SUN2: variants seen among roughly 807,000 people sequenced by gnomAD.
The protein encoded by SUN2 is SUN domain-containing protein 2.
In SUN2, 60 loss-of-function variants were observed where a neutral mutation model predicts 100.0. The observed-to-expected ratio is 0.60, with a 90% CI of 0.49 to 0.74. The LOEUF is 0.74. Among genes scored for constraint, SUN2 ranks in the 30% least tolerant of loss-of-function variants. SUN2 has a pLI of 0.00. For missense variants in SUN2, 834 were observed against 954.6 expected (o/e 0.87, Z 1.66); for synonymous variants, 367 against 403.3 (o/e 0.91, Z 1.08).
At chr22:38,741,715 A>T in intron 9 of SUN2, 144 bp from the exon 10 acceptor site, 1 of 705,872 alleles carries the variant, frequency 1.4e-6, no homozygotes, top group Admixed American at 2.2e-5. Context: ...ACCACGCAAG[A>T]CTCCCGCTTC....
In SUN2 at chr22:38,740,288, C is replaced by A; in HGVS notation, c.1335G>T (p.Gln445His). ...VAEEVGLLPQQIQAVRDDVES... is the reference protein window; with the variant it reads ...VAEEVGLLPQHIQAVRDDVES... ...TCACGTCGTCCCGCACGGCCTGGAT[C>A]TGCTGGGGCAGCAGGCCCACTTCTT... The change falls in exon 12 of 18, where the codon CAG becomes CAT. Residue 445 changes from glutamine (Q) to histidine (H), a missense_variant. Around this residue, in one of 3 missense-constraint regions of SUN2, gnomAD observed 559 missense variants for 597.7 expected, o/e 0.94. Transcript: ENST00000689035. This position sits in a 1 kb window ranked among gnomAD's most constrained non-coding sequence, Gnocchi z 4.8. 1.2e-6 allele frequency: 2 copies of A among 1,600,904 alleles called. No individual in the cohort carries two copies. The highest frequency in any genetic ancestry group is 2.2e-5 in the East Asian group (1 of 44,456).
chr22:38,739,162 T>TA lies in SUN2; in HGVS notation c.1664-175dup. On this transcript the variant is annotated intron_variant, in intron 14 of 17. Transcript: ENST00000689035. The surrounding 1 kb of genome is among the most constrained non-coding windows in gnomAD (Gnocchi z 6.7). Reference sequence around the variant, plus strand: ...TCAGCCTCTCCCTGGCCCAGGATGGTACTCGGTACGTCCTGACTTCCCTGA... The same window carrying TA: ...TCAGCCTCTCCCTGGCCCAGGATGGTAACTCGGTACGTCCTGACTTCCCTGA... 1.1e-6 allele frequency: 1 copy of TA among 895,300 alleles called. No individual in the cohort carries two copies. The highest frequency in any genetic ancestry group is 1.8e-6 in the Non-Finnish European group (1 of 565,050). 55.5% of individuals were successfully genotyped at this position (895,300 alleles called of 1,614,324 possible). A position where few individuals can be genotyped will look rare whatever the true frequency, so the allele number is the denominator to read the frequency against.
chr22:38,748,979 GT>G, intron 6 of SUN2, 196 bp from the exon 7 acceptor site: 2 of 542,404 alleles, frequency 3.7e-6, no homozygotes, highest in Non-Finnish European at 6.7e-6. Flanking sequence ...AGGTCTTAGA[GT>G]GATGGGACAA....
At chr22:38,744,525 G>A (rs1216687103) in intron 8 of SUN2, among the ~76,000 whole-genome samples, 1 of 152,180 alleles carries the variant, frequency 6.6e-6, no homozygotes, top group Non-Finnish European at 1.5e-5. Context: ...AGGTTACAAT[G>A]AGTTATGATT....
At position 38,740,534 on chromosome 22, in the gene SUN2, G is replaced by C. The variant is rs1193291451; in HGVS notation, c.1191-102C>G. The C allele has an allele frequency of 1.1e-5, 14 of 1,296,026 alleles. No individual in the cohort carries two copies. In the South Asian group the frequency reaches 2.1e-4, roughly 20 times the overall value. The allele number at this position is 1,296,026 out of a possible 1,614,324, so 80.3% of individuals were successfully genotyped here. On this transcript the variant is annotated intron_variant, in intron 11 of 17. Coordinates refer to ENST00000689035, the MANE Select transcript of SUN2 (RefSeq NM_015374.3). This position sits in a 1 kb window ranked among gnomAD's most constrained non-coding sequence, Gnocchi z 4.8. ...CCCCTAGTGGGCTCCCGTCAGGAGA[G>C]CGGGTGCCCAGCACTCATTGTGAAC...
intron 1 of SUN2, among the ~76,000 whole-genome samples, chr22:38,753,219 T>C (rs1033552816): frequency 4.2e-5 from 6 of 142,824 alleles, no homozygotes; most frequent in African/African-American, 1.6e-4. Context: ...TCTTTTTTTT[T>C]TTTTTTTTTT....
intron 4 of SUN2, 178 bp from the exon 5 acceptor site, chr22:38,750,498 C>G: frequency 7.4e-7 from 1 of 1,357,740 alleles, no homozygotes; most frequent in Non-Finnish European, 9.9e-7. Context: ...TTTCTTCTGA[C>G]AGCTTCCTGT....
intron 1 of SUN2, chr22:38,754,659 C>T (rs1012390260): frequency 3.1e-6 from 4 of 1,288,368 alleles, no homozygotes; most frequent in Non-Finnish European, 3.0e-6. Flanking sequence ...CTCCAGCTGC[C>T]CACACAGGGA....
At position 38,740,931 on chromosome 22, in the gene SUN2, C is replaced by G; in HGVS notation, c.1190+76G>C. The G allele has an allele frequency of 1.4e-6, 2 of 1,460,908 alleles. No homozygotes were observed. The highest frequency in any genetic ancestry group is 1.9e-6 in the Non-Finnish European group (2 of 1,067,146). 90.5% of individuals were successfully genotyped at this position (1,460,908 alleles called of 1,614,324 possible). On this transcript the variant is annotated intron_variant, in intron 11 of 17. Coordinates refer to ENST00000689035, the MANE Select transcript of SUN2 (RefSeq NM_015374.3). This position sits in a 1 kb window ranked among gnomAD's most constrained non-coding sequence, Gnocchi z 4.8. ...GATCAGAACTCTCTGCTCTGCGGCT[C>G]TGCTCCCCAGTCCTGCCTGGAGAGT... is the stretch of plus-strand genomic sequence containing the variant.
At chr22:38,741,128 TA>T in intron 10 of SUN2, 78 bp from the exon 11 acceptor site, 1 of 1,501,192 alleles carries the variant, frequency 6.7e-7, no homozygotes, top group Non-Finnish European at 9.1e-7. Flanking sequence ...TGCTGTCTGT[TA>T]GCGTCTTTGC....
intron 8 of SUN2, chr22:38,742,994 T>C (rs896607364): frequency 1.9e-5 from 3 of 160,416 alleles, no homozygotes; most frequent in African/African-American, 4.8e-5. Context: ...GGACTCTCAA[T>C]GGCTTTCACT....
Position 38,738,025 on chromosome 22 carries a change from C to T in SUN2, c.2040+148G>A. On this transcript the variant is annotated intron_variant, in intron 17 of 17. Coordinates refer to ENST00000689035, the MANE Select transcript of SUN2 (RefSeq NM_015374.3). This position sits in a 1 kb window ranked among gnomAD's most constrained non-coding sequence, Gnocchi z 6.6. ...CGTCTGCAGGATGCGTGTTACACCCCATTTGGATATCACATCTTGAGCTGT... is the reference window on the plus strand; with the variant it reads ...CGTCTGCAGGATGCGTGTTACACCCTATTTGGATATCACATCTTGAGCTGT... The T allele has an allele frequency of 1.3e-6, 1 of 767,274 alleles. No individual in the cohort carries two copies. The highest frequency in any genetic ancestry group is 2.3e-6 in the Non-Finnish European group (1 of 426,476). 47.5% of individuals were successfully genotyped at this position (767,274 alleles called of 1,614,324 possible).
chr22:38,739,517 ACC>A lies in SUN2; in HGVS notation c.1579-93_1579-92del. ...CCGTGGGCCAAGGACCCATGGGCTG[ACC>A]CCTTCTAGGCTTGCACTGTGCTGGT... On this transcript the variant is annotated intron_variant, in intron 13 of 17. Coordinates refer to ENST00000689035, the MANE Select transcript of SUN2 (RefSeq NM_015374.3). The surrounding 1 kb of genome is among the most constrained non-coding windows in gnomAD (Gnocchi z 6.7). 2 of 1,465,664 alleles carry A rather than the reference ACC, an allele frequency of 1.4e-6. No individual in the cohort carries two copies. Among genetic ancestry groups the A allele is most frequent in the Non-Finnish European group, 1.9e-6 (2 of 1,061,022 alleles). The allele number at this position is 1,465,664 out of a possible 1,614,324, so 90.8% of individuals were successfully genotyped here.
Position 38,738,847 on chromosome 22 carries a change from CG to C in SUN2, c.1779+25del, listed in dbSNP as rs1315338932. ...CAGCCCTCAGTGTGCTCAGAGCCCC[CG>C]CTGCTGTGCTTGCCAGGTGCCCACC... On this transcript the variant is annotated intron_variant, in intron 15 of 17. Transcript: ENST00000689035. This position sits in a 1 kb window ranked among gnomAD's most constrained non-coding sequence, Gnocchi z 6.6. 6.3e-7 allele frequency: 1 copy of C among 1,595,294 alleles called. No individual in the cohort carries two copies. The highest frequency in any genetic ancestry group is 8.6e-7 in the Non-Finnish European group (1 of 1,168,072).
At position 38,739,900 on chromosome 22, in the gene SUN2, C is replaced by T. The variant is rs758653349; in HGVS notation, c.1400G>A (p.Arg467Gln). Residue 467 changes from arginine (R) to glutamine (Q), a missense_variant, in exon 13 of 18, where the codon CGA becomes CAA. By Grantham distance (43) the Arg-to-Gln change is conservative (BLOSUM62 1). Around this residue, in one of 3 missense-constraint regions of SUN2, gnomAD observed 195 missense variants for 280.2 expected, o/e 0.70. Transcript: ENST00000689035. This position sits in a 1 kb window ranked among gnomAD's most constrained non-coding sequence, Gnocchi z 6.7. ...FPAWISQFLA[R>Q]GGGGRVGLLQ... ...GAGCCCCACGCGGCCCCCTCCACCT[C>T]GGGCAAGGAACTGACTGATCCAGGC... The T allele has an allele frequency of 1.3e-5, 21 of 1,612,980 alleles. No individual in the cohort carries two copies. The highest frequency in any genetic ancestry group is 3.3e-4 in the Middle Eastern group (2 of 6,062).
At chr22:38,736,630 T>A (rs1355822065) in intron 17 of SUN2, 1 of 355,502 alleles carries the variant, frequency 2.8e-6, no homozygotes, top group African/African-American at 2.1e-5. Flanking sequence ...CACAATCGTT[T>A]TTTTATTGTG....
intron 1 of SUN2, chr22:38,754,929 G>A (rs576720923): frequency 7.8e-7 from 1 of 1,289,272 alleles, no homozygotes; most frequent in Non-Finnish European, 1.0e-6. Flanking sequence ...GATGAAAAAG[G>A]TCGAGGCCCC....
In SUN2 at chr22:38,736,141, G is replaced by T; in HGVS notation, c.*126C>A. ...GAGACCCTGCCCGTCCTTTTCATCT[G>T]CATGGGGCCACAGGCTCCTCTCTTG... is the stretch of plus-strand genomic sequence containing the variant. On this transcript the variant is annotated 3_prime_UTR_variant, in exon 18 of 18. Coordinates refer to ENST00000689035, the MANE Select transcript of SUN2 (RefSeq NM_015374.3). 1 of 935,512 alleles carries T rather than the reference G, an allele frequency of 1.1e-6. No homozygotes were observed. 58.0% of individuals were successfully genotyped at this position (935,512 alleles called of 1,614,324 possible).
chr22:38,745,686 G>A lies in SUN2; in HGVS notation c.811C>T (p.Gln271Ter), dbSNP rs773473614. The change falls in exon 8 of 18, where the codon CAG (glutamine) becomes TAG (stop). Residue 271 changes from glutamine to a stop codon, truncating the protein, a stop_gained and splice_region_variant. Transcript: ENST00000689035. LOFTEE classifies it high-confidence loss of function. ...AGCTACCACCCTCAGAGACTCACCT[G>A]GAAATGTGGCGATGAGTCTCTGGCT... is the stretch of plus-strand genomic sequence containing the variant. ...WEARDSSPHF[Q>*]AEQRVMSRVH... The A allele has an allele frequency of 6.2e-7, 1 of 1,613,516 alleles. No homozygotes were observed. The highest frequency in any genetic ancestry group is 8.5e-7 in the Non-Finnish European group (1 of 1,180,006).
Sources: allele counts gnomAD v4.1 joint callset (sites outside exome capture counted in the v4.1 genomes callset), GRCh38; gene constraint gnomAD v4.1.1; regional missense constraint gnomAD v4.1.1; non-coding constraint Gnocchi (gnomAD v3.1); transcripts MANE v1.5; gene names NCBI Gene and HGNC (gene_info 2026-07-23, HGNC 2026-07-21).